The following DHRS12 variants were observed in gnomAD, a reference collection of about 807,000 sequenced individuals.
DHRS12 encodes dehydrogenase/reductase 12, also known as dehydrogenase/reductase SDR family member 12.
A neutral mutation model predicts 32.1 loss-of-function variants in DHRS12; 29 were observed. That is an observed-to-expected ratio of 0.90 (90% CI 0.67 to 1.23). The LOEUF (loss-of-function observed/expected upper bound fraction) is 1.23. Ranked by LOEUF, DHRS12 falls within the 50% of genes most tolerant of loss-of-function variation. The pLI, the probability that DHRS12 is intolerant of heterozygous loss-of-function variation, is 0.00. For synonymous variants in DHRS12, 150 were observed against 135.9 expected, an observed-to-expected ratio of 1.10 and a Z score of -0.72; for missense variants, 330 against 337.2, an observed-to-expected ratio of 0.98 and a Z score of 0.17.
At chr13:51,803,346 G>A (rs753069879) in intron 1 of DHRS12, among the ~76,000 whole-genome samples, 4 of 152,194 alleles carry the variant, frequency 2.6e-5, no homozygotes, top group Non-Finnish European at 5.9e-5. Context: ...CCTGAAAACT[G>A]GGTACTTTTA....
At chr13:51,797,205 C>T (rs181070309) in intron 2 of DHRS12, among the ~76,000 whole-genome samples, 14 of 152,310 alleles carry the variant, frequency 9.2e-5, no homozygotes, top group East Asian at 5.8e-4. Flanking sequence ...CAGCTGCACA[C>T]GCCCTGCGAC....
chr13:51,771,438 A>T, intron 7 of DHRS12: 1 of 1,614,092 alleles, frequency 6.2e-7, no homozygotes, highest in Non-Finnish European at 8.5e-7. Context: ...AAACCTGGGG[A>T]GTGGTGAGGC....
Position 51,773,963 on chromosome 13 carries a change from T to C in DHRS12, c.435A>G (p.Pro145=), listed in dbSNP as rs752426381. Residue 145 remains proline (P), a synonymous_variant, in exon 6 of 9, where the codon CCA becomes CCG. Coordinates refer to ENST00000444610, the MANE Select transcript of DHRS12 (RefSeq NM_001377533.1). The part of the protein sequence containing the change: ...NTNDLQSERT[P]FDGTMVYAQN... ...GTGCATAGACCATAGTTCCATCAAA[T>C]GGTGTTCTTTCGGACTGGAGATCAT... is the stretch of plus-strand genomic sequence containing the variant. 1.1e-5 allele frequency: 17 copies of C among 1,613,952 alleles called. No homozygotes were observed. In the East Asian group the frequency reaches 3.3e-4, roughly 32 times the overall value.
chr13:51,802,216 CACG>C (rs1955794505), intron 1 of DHRS12, among the ~76,000 whole-genome samples: 1 of 102,452 alleles, frequency 9.8e-6, no homozygotes, highest in South Asian at 3.4e-4. Context: ...CACACACACA[CACG>C]ACTTTCCCAA....
intron 2 of DHRS12, among the ~76,000 whole-genome samples, chr13:51,796,193 G>A (rs561894410): frequency 4.6e-5 from 7 of 152,254 alleles, no homozygotes; most frequent in African/African-American, 1.7e-4. Context: ...TTCATACCAC[G>A]CTTTTGTGTG....
chr13:51,790,661 G>A (rs1293608910), intron 3 of DHRS12, among the ~76,000 whole-genome samples: 1 of 152,076 alleles, frequency 6.6e-6, no homozygotes, highest in Non-Finnish European at 1.5e-5. Flanking sequence ...CAACGTTTCA[G>A]AGCACATCAG....
intron 4 of DHRS12, among the ~76,000 whole-genome samples, chr13:51,785,343 TA>T (rs386379187): frequency 1.8e-4 from 26 of 145,980 alleles, no homozygotes; most frequent in African/African-American, 2.0e-4. Context: ...AATTGGAATG[TA>T]AAAAAAAAAA....
chr13:51,779,342 GC>G lies in DHRS12; in HGVS notation c.302-2222del, dbSNP rs561130512. ...CCCCATTCCCTCTTTTTAGGGGTAG[GC>G]CCCAAACACATCCTGTTTATAACAA... On this transcript the variant is annotated intron_variant, in intron 4 of 8. Transcript: ENST00000444610. 3.9e-5 allele frequency among the ~76,000 whole-genome samples: 6 copies of G among 152,222 alleles called. No homozygotes were observed. The East Asian group carries it at 9.6e-4, about 24-fold the overall frequency.
intron 7 of DHRS12, chr13:51,770,991 G>A: frequency 1.4e-6 from 2 of 1,379,434 alleles, no homozygotes; most frequent in Non-Finnish European, 1.9e-6. Flanking sequence ...GATAAATAGT[G>A]ATTTTCAGAA....
At chr13:51,755,410 TC>T in the DHRS12 span, 3 of 1,614,110 alleles carry the variant, frequency 1.9e-6, no homozygotes, top group Non-Finnish European at 2.5e-6. Context: ...CAGCCTTTCT[TC>T]TGGAACTTCA....
At chr13:51,785,794 A>AC (rs1383305495) in intron 4 of DHRS12, among the ~76,000 whole-genome samples, 1 of 152,222 alleles carries the variant, frequency 6.6e-6, no homozygotes, top group East Asian at 1.9e-4. Context: ...TCATAGCAAT[A>AC]GCTGATGATA....
intron 2 of DHRS12, among the ~76,000 whole-genome samples, chr13:51,798,472 C>T (rs1307545308): frequency 4.6e-5 from 7 of 152,170 alleles, no homozygotes; most frequent in African/African-American, 1.2e-4. Context: ...ATGCCTTCGC[C>T]GTGGCAGCTA....
At chr13:51,763,020 GGTTTT>G (rs1276136291), downstream of DHRS12, 1 of 152,088 alleles carries the variant, frequency 6.6e-6, no homozygotes, top group Non-Finnish European at 1.5e-5. Flanking sequence ...TTTCTCATTT[GGTTTT>G]AATTATTTCC....
At chr13:51,768,508 C>T in intron 8 of DHRS12, 1 of 1,411,296 alleles carries the variant, frequency 7.1e-7, no homozygotes, top group Non-Finnish European at 9.2e-7. Context: ...AGGCTGCAGC[C>T]AGGGCTGGAC....
At chr13:51,768,811 G>A (rs1953873660) in intron 8 of DHRS12, 1 of 1,257,570 alleles carries the variant, frequency 8.0e-7, no homozygotes, top group Admixed American at 4.0e-5. Context: ...CAGAGAAGCA[G>A]AGTCCGTTAC....
At chr13:51,768,519 G>A (rs907161430) in intron 8 of DHRS12, 78 of 1,401,358 alleles carry the variant, frequency 5.6e-5, no homozygotes, top group Non-Finnish European at 6.7e-5. Flanking sequence ...AGGGCTGGAC[G>A]GGAGACCACG....
chr13:51,776,160 T>TCTC (rs767408931), intron 5 of DHRS12: 1 of 103,686 alleles, frequency 9.6e-6, no homozygotes, highest in Non-Finnish European at 1.9e-5. Context: ...CTACATGTAT[T>TCTC]CTACAGTATT....
rs1008654322 is a variant in DHRS12 at position 51,804,005 on chromosome 13, G to T, written c.-9+49C>A. ...GCCAACCCTGCTCGCCCGCGCCGAG[G>T]CGGGCCACGTGACAGCCCGGGGCCC... On this transcript the variant is annotated intron_variant, in intron 1 of 8. Coordinates refer to ENST00000444610, the MANE Select transcript of DHRS12 (RefSeq NM_001377533.1). 59 of 1,419,942 alleles carry T rather than the reference G, an allele frequency of 4.2e-5. No individual in the cohort carries two copies. The African/African-American group carries it at 8.0e-4, about 19-fold the overall frequency. 88.0% of individuals were successfully genotyped at this position (1,419,942 alleles called of 1,614,324 possible).
At chr13:51,767,103 G>A (rs565918549), downstream of DHRS12, 2 of 152,258 alleles carry the variant, frequency 1.3e-5, no homozygotes, top group Non-Finnish European at 2.9e-5. Context: ...CACTGCCAGG[G>A]AAAGCCTCAT....
Sources: allele counts gnomAD v4.1 joint callset (sites outside exome capture counted in the v4.1 genomes callset), GRCh38; gene constraint gnomAD v4.1.1; transcripts MANE v1.5; gene names NCBI Gene and HGNC (gene_info 2026-07-23, HGNC 2026-07-21).